Variants in MYO3B observed in about 807,000 individuals in gnomAD.
MYO3B encodes myosin IIIB, also known as myosin-IIIb.
Under a neutral mutation model 174.6 loss-of-function variants are expected in MYO3B, and 156 were observed. The observed-to-expected ratio is 0.89, with a 90% CI of 0.78 to 1.02. The LOEUF (loss-of-function observed/expected upper bound fraction) is 1.02. MYO3B is among the 50% of genes least tolerant of loss of function. MYO3B has a pLI of 0.00. For missense variants in MYO3B, 1,632 were observed against 1,639.4 expected, an observed-to-expected ratio of 1.00 and a Z score of 0.08; for synonymous variants, 563 against 569.1, an observed-to-expected ratio of 0.99 and a Z score of 0.15.
intron 8 of MYO3B, among the ~76,000 whole-genome samples, chr2:170,356,205 C>T (rs2094119535): frequency 6.6e-6 from 1 of 152,014 alleles, no homozygotes; most frequent in South Asian, 2.1e-4. Context: ...TCGTGATCCG[C>T]CCACCTCGGC....
intron 32 of MYO3B, among the ~76,000 whole-genome samples, chr2:170,578,332 T>C (rs1000122194): frequency 2.6e-5 from 4 of 152,246 alleles, no homozygotes; most frequent in Non-Finnish European, 5.9e-5. Context: ...TAATTTGGAT[T>C]GTATCTATCT....
intron 6 of MYO3B, among the ~76,000 whole-genome samples, chr2:170,232,769 C>A (rs1157956023): frequency 6.6e-6 from 1 of 152,158 alleles, no homozygotes; most frequent in Non-Finnish European, 1.5e-5. Flanking sequence ...CTTCCCAGGG[C>A]CTACTATCAT....
In MYO3B at chr2:170,466,668, C is replaced by A. The variant is rs1468283969; in HGVS notation, c.2971C>A (p.Gln991Lys). ...GILETVSIRR[Q>K]GYSHRILFEE... ...TCTGGAGACAGTCAGCATCCGCCGC[C>A]AGGGCTATTCCCACCGCATCCTTTT... The change falls in exon 25 of 35, where the codon CAG (glutamine) becomes AAG (lysine). Residue 991 changes from glutamine (Q) to lysine (K), a missense_variant. Coordinates refer to ENST00000408978, the MANE Select transcript of MYO3B (RefSeq NM_138995.5). The A allele has an allele frequency of 6.2e-7, 1 of 1,614,198 alleles. No homozygotes were observed. The highest frequency in any genetic ancestry group is 1.1e-5 in the South Asian group (1 of 91,078).
At chr2:170,265,032 C>A (rs888728480) in intron 7 of MYO3B, among the ~76,000 whole-genome samples, 2 of 152,066 alleles carry the variant, frequency 1.3e-5, no homozygotes, top group African/African-American at 2.4e-5. Flanking sequence ...TTTTAAAAAG[C>A]CTTTTAAAGA....
rs2094527808 is a variant in MYO3B at position 170,408,859 on chromosome 2, A to G, written c.2650+1015A>G. On this transcript the variant is annotated intron_variant, in intron 22 of 34. Coordinates refer to ENST00000408978, the MANE Select transcript of MYO3B (RefSeq NM_138995.5). ...TTTCAGACATGCTCCTGTAAACAGA[A>G]CTAGTAGCAGTGCCCATCAGAAGGC... Among the ~76,000 whole-genome samples the G allele has an allele frequency of 2.6e-5, 4 of 152,216 alleles. No individual in the cohort carries two copies. The South Asian group carries it at 8.3e-4, about 32-fold the overall frequency.
intron 23 of MYO3B, among the ~76,000 whole-genome samples, chr2:170,460,487 CAAAAAAAAA>C (rs36000141): frequency 1.5e-4 from 11 of 73,682 alleles, no homozygotes; most frequent in South Asian, 7.0e-4. Flanking sequence ...GACTCCGTCT[CAAAAAAAAA>C]AAAAAAAAAA....
intron 7 of MYO3B, among the ~76,000 whole-genome samples, chr2:170,320,216 A>C (rs1034455290): frequency 2.0e-5 from 3 of 151,850 alleles, no homozygotes; most frequent in Non-Finnish European, 4.4e-5. Context: ...ATTTATTTTT[A>C]GTTTATTTTT....
At chr2:170,618,143 T>C (rs1241479788) in intron 32 of MYO3B, among the ~76,000 whole-genome samples, 5 of 152,112 alleles carry the variant, frequency 3.3e-5, no homozygotes, top group African/African-American at 9.7e-5. Context: ...TAAAGTGATA[T>C]TGAAAGGGGT....
At chr2:170,358,504 G>A (rs1017999829) in intron 8 of MYO3B, among the ~76,000 whole-genome samples, 4 of 152,120 alleles carry the variant, frequency 2.6e-5, no homozygotes, top group African/African-American at 9.7e-5. Context: ...GAAATTGATT[G>A]TGGTAATGGT....
At position 170,653,800 on chromosome 2, in the gene MYO3B, CCACA is replaced by C. The variant is rs1380953742; in HGVS notation, c.*681_*684del. On this transcript the variant is annotated 3_prime_UTR_variant, in exon 35 of 35. Coordinates refer to ENST00000408978, the MANE Select transcript of MYO3B (RefSeq NM_138995.5). ...TCTTTATTTCACCTTGCCAAGACAC[CCACA>C]CTACTTTGGTGATGAAAAGAAAGGA... is the stretch of plus-strand genomic sequence containing the variant. The C allele has an allele frequency of 1.3e-5, 2 of 152,148 alleles. No homozygotes were observed. The highest frequency in any genetic ancestry group is 4.8e-5 in the African/African-American group (2 of 41,414). The allele number at this position is 152,148 out of a possible 1,614,324, so 9.4% of individuals were successfully genotyped here.
chr2:170,365,752 T>C (rs1183495320), intron 8 of MYO3B, among the ~76,000 whole-genome samples: 2 of 152,136 alleles, frequency 1.3e-5, no homozygotes, highest in African/African-American at 4.8e-5. Flanking sequence ...CTCTTTACAC[T>C]CAGGTTCAGT....
chr2:170,447,430 T>G (rs543671509), intron 23 of MYO3B, among the ~76,000 whole-genome samples: 1 of 152,344 alleles, frequency 6.6e-6, no homozygotes, highest in African/African-American at 2.4e-5. Context: ...GGCTTCAGCA[T>G]GCAAATAGGG....
In MYO3B at chr2:170,200,225, T is replaced by C; in HGVS notation, c.262T>C (p.Tyr88His). The C allele has an allele frequency of 6.2e-7, 1 of 1,613,568 alleles. No individual in the cohort carries two copies. Among genetic ancestry groups the C allele is most frequent in the Non-Finnish European group, 8.5e-7 (1 of 1,179,676 alleles). The change falls in exon 3 of 35, where the codon TAT becomes CAT. Residue 88 changes from tyrosine (Y) to histidine (H), a missense_variant. By Grantham distance (83) the Tyr-to-His change is moderately conservative. Transcript: ENST00000408978. ...LPNHPNVVKF[Y>H]GMFYKADHCV... Reference sequence around the variant, plus strand: ...TAATCATCCCAATGTTGTAAAGTTTTATGGGATGTTTTACAAAGCGGATCA... The same window carrying C: ...TAATCATCCCAATGTTGTAAAGTTTCATGGGATGTTTTACAAAGCGGATCA...
chr2:170,371,523 G>A (rs775419731), intron 9 of MYO3B, among the ~76,000 whole-genome samples: 1 of 152,026 alleles, frequency 6.6e-6, no homozygotes, highest in African/African-American at 2.4e-5. Flanking sequence ...CACAGTGCAC[G>A]TAATTGACAC....
intron 7 of MYO3B, among the ~76,000 whole-genome samples, chr2:170,290,991 T>C (rs1403210751): frequency 1.3e-5 from 2 of 152,134 alleles, no homozygotes; most frequent in African/African-American, 4.8e-5. Context: ...GGCTCATGCC[T>C]GTAATCCCAG....
intron 7 of MYO3B, among the ~76,000 whole-genome samples, chr2:170,303,386 T>A (rs1266920350): frequency 6.6e-6 from 1 of 152,168 alleles, no homozygotes; most frequent in African/African-American, 2.4e-5. Flanking sequence ...TTAAAAAATC[T>A]CCATCCATCT....
intron 7 of MYO3B, among the ~76,000 whole-genome samples, chr2:170,331,001 G>T (rs2093908050): frequency 6.6e-6 from 1 of 152,154 alleles, no homozygotes; most frequent in Admixed American, 6.6e-5. Flanking sequence ...GTATTTCTGT[G>T]CTGGGCACTA....
At chr2:170,476,079 C>CT (rs200978375) in intron 25 of MYO3B, among the ~76,000 whole-genome samples, 3 of 152,064 alleles carry the variant, frequency 2.0e-5, no homozygotes, top group Non-Finnish European at 4.4e-5. Context: ...CCTGTCCCCC[C>CT]CCACAGGACA....
At chr2:170,252,670 A>G (rs2093265926) in intron 7 of MYO3B, among the ~76,000 whole-genome samples, 1 of 152,204 alleles carries the variant, frequency 6.6e-6, no homozygotes, top group African/African-American at 2.4e-5. Flanking sequence ...CTAGGTGACA[A>G]TATGTCCCTG....
Sources: gnomAD v4.1 joint callset for allele counts (sites outside exome capture counted in the v4.1 genomes callset) on GRCh38, gnomAD v4.1.1 for gene constraint, MANE v1.5 for transcripts, NCBI Gene and HGNC (gene_info 2026-07-23, HGNC 2026-07-21) for gene names.